Variants in MARCHF8 observed in about 807,000 individuals in gnomAD.
MARCHF8 encodes E3 ubiquitin-protein ligase MARCHF8.
In MARCHF8, 40 loss-of-function variants were observed where a neutral mutation model predicts 51.6. That is an observed-to-expected ratio of 0.77 (90% confidence interval 0.60 to 1.01). MARCHF8 has a LOEUF of 1.01. MARCHF8 is among the 50% of genes least tolerant of loss of function. The probability of loss-of-function intolerance (pLI) is 0.00; values close to 1 mark genes in which losing one functional copy is unlikely to be tolerated. For synonymous variants in MARCHF8, 263 were observed against 280.3 expected (o/e 0.94, Z 0.62); for missense variants, 685 against 708.6 (o/e 0.97, Z 0.38).
intron 1 of MARCHF8, among the ~76,000 whole-genome samples, chr10:45,588,930 T>C (rs983908339): frequency 1.4e-4 from 18 of 131,668 alleles, no homozygotes; most frequent in Non-Finnish European, 6.1e-5. Context: ...ACATGGGAGG[T>C]GGAGCTTGCA....
rs751473948 is a variant in MARCHF8, at chr10:45,458,496, C to A, written c.1465G>T (p.Gly489Cys). Reference protein sequence around the residue: ...FWTKLVVVAIGFTGGLLFMYV... With the variant: ...FWTKLVVVAICFTGGLLFMYV... The stretch of plus-strand genomic sequence containing the variant: ...ATAAAAAGAAGTCCTCCGGTGAAGC[C>A]GATGGCCACAACCACCAATTTAGTC... Residue 489 changes from glycine (G) to cysteine (C), a missense_variant, in exon 8 of 8, where the codon GGC (glycine) becomes TGC (cysteine). Physicochemically the swap from Gly to Cys is radical, Grantham distance 159. Coordinates refer to ENST00000453424, the MANE Select transcript of MARCHF8 (RefSeq NM_001282866.2). 1 of 1,611,200 alleles carries A rather than the reference C, an allele frequency of 6.2e-7. No individual in the cohort carries two copies. Among genetic ancestry groups the A allele is most frequent in the African/African-American group, 1.3e-5 (1 of 74,726 alleles).
chr10:45,559,674 C>A (rs183198999), intron 1 of MARCHF8, among the ~76,000 whole-genome samples: 109 of 152,180 alleles, frequency 7.2e-4, no homozygotes, highest in Admixed American at 2.6e-3. Context: ...GAGATTAAAA[C>A]CTGTATAAAT....
At chr10:45,572,189 C>A (rs1589188199) in intron 1 of MARCHF8, among the ~76,000 whole-genome samples, 1 of 140,384 alleles carries the variant, frequency 7.1e-6, no homozygotes, top group Non-Finnish European at 1.6e-5. Context: ...TGTGTCCCCA[C>A]CCCTTCTCCA....
At chr10:45,485,135 T>G (rs894700685) in intron 3 of MARCHF8, among the ~76,000 whole-genome samples, 9 of 152,152 alleles carry the variant, frequency 5.9e-5, no homozygotes, top group Admixed American at 2.6e-4. Context: ...TGACTCAGCA[T>G]GTACTGACAA....
At chr10:45,493,843 G>A (rs892124908) in intron 2 of MARCHF8, among the ~76,000 whole-genome samples, 4 of 152,094 alleles carry the variant, frequency 2.6e-5, no homozygotes, top group African/African-American at 7.2e-5. Context: ...AGCTATTCAC[G>A]AGTACCATCA....
upstream of MARCHF8, among the ~76,000 whole-genome samples, chr10:45,539,373 T>C (rs903403181): frequency 6.6e-6 from 1 of 152,044 alleles, no homozygotes; most frequent in African/African-American, 2.4e-5. Flanking sequence ...GCAGGAAAGA[T>C]CTAAAATTGA....
intron 1 of MARCHF8, among the ~76,000 whole-genome samples, chr10:45,579,211 AAAAG>A (rs2044524239): frequency 6.6e-6 from 1 of 152,228 alleles, no homozygotes; most frequent in African/African-American, 2.4e-5. Context: ...TATATGCATA[AAAAG>A]AAAGGGGGAA....
chr10:45,528,032 T>C (rs2043820348), intron 2 of MARCHF8, among the ~76,000 whole-genome samples: 1 of 152,172 alleles, frequency 6.6e-6, no homozygotes, highest in Non-Finnish European at 1.5e-5. Flanking sequence ...AGAAAAAGCA[T>C]TTGATAAAAT....
At chr10:45,484,732 C>CA (rs1469576649) in intron 3 of MARCHF8, among the ~76,000 whole-genome samples, 2 of 151,552 alleles carry the variant, frequency 1.3e-5, no homozygotes, top group Non-Finnish European at 2.9e-5. Context: ...GCCATTCATG[C>CA]AAAAAAGGGG....
At chr10:45,548,166 T>C (rs1362110001) in intron 1 of MARCHF8, among the ~76,000 whole-genome samples, 1 of 151,964 alleles carries the variant, frequency 6.6e-6, no homozygotes, top group Non-Finnish European at 1.5e-5. Context: ...TAGGAAAAAA[T>C]TCCATAAAAA....
In MARCHF8 at chr10:45,461,495, A is replaced by T. The variant is rs139942226; in HGVS notation, c.1089-84T>A. 7 of 1,222,738 alleles carry T rather than the reference A, an allele frequency of 5.7e-6. No homozygotes were observed. In the African/African-American group the frequency reaches 1.1e-4, roughly 19 times the overall value. 75.7% of individuals were successfully genotyped at this position (1,222,738 alleles called of 1,614,324 possible). A position where few individuals can be genotyped will look rare whatever the true frequency, so the allele number is the denominator to read the frequency against. Reference sequence around the variant, plus strand: ...CTTCAGTGGCAGGTTAATCCCCCCAAAGGAAACTCAGAAACGAACATTACA... The same window carrying T: ...CTTCAGTGGCAGGTTAATCCCCCCATAGGAAACTCAGAAACGAACATTACA... On this transcript the variant is annotated intron_variant, in intron 5 of 7. Coordinates refer to ENST00000453424, the MANE Select transcript of MARCHF8 (RefSeq NM_001282866.2).
chr10:45,564,049 G>A (rs919043367), intron 1 of MARCHF8, among the ~76,000 whole-genome samples: 61 of 152,364 alleles, frequency 4.0e-4, no homozygotes, highest in African/African-American at 1.4e-3. Context: ...GCCGTGGCAG[G>A]TGGATCACCT....
chr10:45,583,539 T>A (rs2044578795), intron 1 of MARCHF8, among the ~76,000 whole-genome samples: 1 of 152,162 alleles, frequency 6.6e-6, no homozygotes, highest in Non-Finnish European at 1.5e-5. Flanking sequence ...ATCCCACAAA[T>A]ATTTATTGAT....
At chr10:45,479,267 G>A (rs940055019) in intron 3 of MARCHF8, among the ~76,000 whole-genome samples, 3 of 152,140 alleles carry the variant, frequency 2.0e-5, no homozygotes, top group Admixed American at 2.0e-4. Flanking sequence ...AATAGAAGCA[G>A]AAAAGGCATT....
At chr10:45,471,353 G>A (rs905949575) in intron 3 of MARCHF8, among the ~76,000 whole-genome samples, 2 of 152,178 alleles carry the variant, frequency 1.3e-5, no homozygotes, top group Non-Finnish European at 2.9e-5. Context: ...CCTCCATGCT[G>A]CAGCTGAGGA....
chr10:45,570,661 C>T (rs779607479), intron 1 of MARCHF8, among the ~76,000 whole-genome samples: 1 of 152,070 alleles, frequency 6.6e-6, no homozygotes, highest in Non-Finnish European at 1.5e-5. Flanking sequence ...ATATTTGAAA[C>T]GAAGTTATAA....
chr10:45,584,985 G>A (rs76849715), intron 1 of MARCHF8, among the ~76,000 whole-genome samples: 5,355 of 152,290 alleles, frequency 0.035, 144 homozygotes, highest in Non-Finnish European at 0.052. Context: ...AAGTGTGGGA[G>A]TTGATTTATC....
intron 2 of MARCHF8, among the ~76,000 whole-genome samples, chr10:45,511,583 C>G (rs1173881783): frequency 6.6e-6 from 1 of 152,198 alleles, no homozygotes; most frequent in Non-Finnish European, 1.5e-5. Context: ...GGTTTTCTTA[C>G]TTTTTTGGTG....
chr10:45,487,157 T>G (rs1482623895), intron 3 of MARCHF8, among the ~76,000 whole-genome samples: 1 of 152,072 alleles, frequency 6.6e-6, no homozygotes, highest in African/African-American at 2.4e-5. Flanking sequence ...AGAGATGTCC[T>G]TTTTCAAAAT....
Sources: allele counts gnomAD v4.1 joint callset (sites outside exome capture counted in the v4.1 genomes callset), GRCh38; gene constraint gnomAD v4.1.1; transcripts MANE v1.5; gene names NCBI Gene and HGNC (gene_info 2026-07-23, HGNC 2026-07-21).